Variants in VKORC1L1 observed in about 807,000 individuals in gnomAD.
The protein encoded by VKORC1L1 is vitamin K epoxide reductase complex subunit 1L1, also known as vitamin K epoxide reductase complex subunit 1-like protein 1.
A neutral mutation model predicts 18.9 loss-of-function variants in VKORC1L1; 2 were observed. That is an observed-to-expected ratio of 0.11 (90% CI 0.04 to 0.33). The LOEUF is 0.33. Among genes scored for constraint, VKORC1L1 ranks in the 10% least tolerant of loss-of-function variants. The pLI, the probability that VKORC1L1 is intolerant of heterozygous loss-of-function variation, is 1.00. For missense variants in VKORC1L1, 123 were observed against 224.1 expected (o/e 0.55, Z 2.88); for synonymous variants, 96 against 100.0 (o/e 0.96, Z 0.24).
At chr7:65,933,812 C>T (rs963665523) in intron 1 of VKORC1L1, among the ~76,000 whole-genome samples, 2 of 151,922 alleles carry the variant, frequency 1.3e-5, no homozygotes, top group African/African-American at 4.8e-5. Context: ...TTATTTTTAT[C>T]TCTGTGAATT....
intron 1 of VKORC1L1, among the ~76,000 whole-genome samples, chr7:65,930,079 A>G (rs1375842041): frequency 6.6e-6 from 1 of 152,178 alleles, no homozygotes; most frequent in Admixed American, 6.5e-5. Flanking sequence ...CTAATAGTTC[A>G]TTACTAGAAT....
intron 1 of VKORC1L1, among the ~76,000 whole-genome samples, chr7:65,905,342 G>T (rs1227848985): frequency 6.6e-6 from 1 of 151,472 alleles, no homozygotes; most frequent in Non-Finnish European, 1.5e-5. Context: ...ATGGAGTCTC[G>T]CTCTGTCATC....
chr7:65,868,162 AAGTC>A (rs1296566190), upstream of VKORC1L1, among the ~76,000 whole-genome samples: 12 of 152,162 alleles, frequency 7.9e-5, no homozygotes, highest in Non-Finnish European at 1.5e-5. Flanking sequence ...TATTAGTAAA[AAGTC>A]AGAAAACAGT....
At chr7:65,898,151 C>T (rs541127452) in intron 1 of VKORC1L1, among the ~76,000 whole-genome samples, 20 of 135,870 alleles carry the variant, frequency 1.5e-4, no homozygotes, top group African/African-American at 4.6e-4. Flanking sequence ...TATAGTGGCA[C>T]GATCTCGGCT....
intron 1 of VKORC1L1, among the ~76,000 whole-genome samples, chr7:65,926,339 A>G (rs569788663): frequency 1.3e-5 from 2 of 152,154 alleles, no homozygotes; most frequent in East Asian, 3.9e-4. Flanking sequence ...TAGTTTTAGT[A>G]GAGACGGGGT....
chr7:65,922,526 T>G (rs1342567299), intron 1 of VKORC1L1, among the ~76,000 whole-genome samples: 1 of 152,142 alleles, frequency 6.6e-6, no homozygotes, highest in Non-Finnish European at 1.5e-5. Flanking sequence ...TCAGGTGATC[T>G]GCCCGCCTCA....
intron 1 of VKORC1L1, among the ~76,000 whole-genome samples, chr7:65,934,609 A>G (rs941207468): frequency 6.6e-6 from 1 of 152,134 alleles, no homozygotes; most frequent in Non-Finnish European, 1.5e-5. Context: ...TAGTTTCCAC[A>G]TGTAAGTGAA....
At chr7:65,886,781 C>T (rs1789019051) in intron 1 of VKORC1L1, among the ~76,000 whole-genome samples, 1 of 150,820 alleles carries the variant, frequency 6.6e-6, no homozygotes, top group Admixed American at 6.6e-5. Context: ...TTGTGATCCA[C>T]CCACCTTGGC....
In VKORC1L1 at chr7:65,888,634, G is replaced by A. The variant is rs531425747; in HGVS notation, c.194+15069G>A. Reference sequence around the variant, plus strand: ...CCTGTCTCTCCCTTACTGCGGTGGTGAGGGGGGTGCAGGGGGGAGTTGACA... The same window carrying A: ...CCTGTCTCTCCCTTACTGCGGTGGTAAGGGGGGTGCAGGGGGGAGTTGACA... On this transcript the variant is annotated intron_variant, in intron 1 of 2. Coordinates refer to ENST00000360768, the MANE Select transcript of VKORC1L1 (RefSeq NM_173517.6). 2.0e-4 allele frequency among the ~76,000 whole-genome samples: 30 copies of A among 152,164 alleles called. No homozygotes were observed. The South Asian group carries it at 6.2e-3, about 32-fold the overall frequency.
chr7:65,866,044 G>A, the VKORC1L1 span, among the ~76,000 whole-genome samples: 1 of 152,294 alleles, frequency 6.6e-6, no homozygotes, highest in Middle Eastern at 3.4e-3. Context: ...GAACCTGGGA[G>A]GTAGAGGTTG....
At chr7:65,872,221 G>A (rs948435603), upstream of VKORC1L1, among the ~76,000 whole-genome samples, 11 of 151,686 alleles carry the variant, frequency 7.3e-5, no homozygotes, top group Admixed American at 3.3e-4. Context: ...CTTTTTCTTC[G>A]TCCTGATTGT....
chr7:65,902,951 C>T (rs1368080094), intron 1 of VKORC1L1, among the ~76,000 whole-genome samples: 1 of 152,118 alleles, frequency 6.6e-6, no homozygotes, highest in African/African-American at 2.4e-5. Flanking sequence ...ACCGTGACCT[C>T]CGCCTCCCGG....
chr7:65,905,561 G>A (rs565785874), intron 1 of VKORC1L1, among the ~76,000 whole-genome samples: 23 of 152,048 alleles, frequency 1.5e-4, no homozygotes, highest in South Asian at 6.2e-4. Context: ...CACCCTCCTC[G>A]GCCTCCCAAA....
chr7:65,876,203 A>G (rs1788824670), intron 1 of VKORC1L1, among the ~76,000 whole-genome samples: 1 of 152,214 alleles, frequency 6.6e-6, no homozygotes, highest in Non-Finnish European at 1.5e-5. Flanking sequence ...TTCATTTAAC[A>G]AAAGGATATT....
At chr7:65,948,622 A>G (rs1188011703) in intron 1 of VKORC1L1, 49 bp from the exon 2 acceptor site, 1 of 665,124 alleles carries the variant, frequency 1.5e-6, no homozygotes, top group Non-Finnish European at 2.4e-6. Flanking sequence ...TACATTTTTT[A>G]AAATAGGGAA....
At chr7:65,932,648 C>T (rs1386192515) in intron 1 of VKORC1L1, among the ~76,000 whole-genome samples, 1 of 152,088 alleles carries the variant, frequency 6.6e-6, no homozygotes, top group Non-Finnish European at 1.5e-5. Flanking sequence ...TGTATGAGTT[C>T]TAGTTTAATT....
At chr7:65,894,059 A>G (rs1455509255) in intron 1 of VKORC1L1, among the ~76,000 whole-genome samples, 2 of 151,976 alleles carry the variant, frequency 1.3e-5, no homozygotes, top group Admixed American at 6.6e-5. Flanking sequence ...GGTTCAAGCA[A>G]TTCTCCTGCC....
Position 65,894,652 on chromosome 7 carries a change from C to T in VKORC1L1, c.194+21087C>T, listed in dbSNP as rs193126815. ...CTGAGGCAGGAGAATGGTGTGAACC[C>T]GGGAGGTGGAGGTTGCAGTGAGCCG... On this transcript the variant is annotated intron_variant, in intron 1 of 2. Coordinates refer to ENST00000360768, the MANE Select transcript of VKORC1L1 (RefSeq NM_173517.6). Among the ~76,000 whole-genome samples, 25 of 152,240 alleles carry T rather than the reference C, an allele frequency of 1.6e-4. No homozygotes were observed. In the East Asian group the frequency reaches 2.5e-3, roughly 15 times the overall value.
intron 1 of VKORC1L1, among the ~76,000 whole-genome samples, chr7:65,905,230 C>G (rs978813766): frequency 3.3e-5 from 5 of 152,148 alleles, no homozygotes; most frequent in African/African-American, 9.7e-5. Context: ...TATAGTATTC[C>G]ACTGAGTGCC....
Sources: allele counts gnomAD v4.1 joint callset (sites outside exome capture counted in the v4.1 genomes callset), GRCh38; gene constraint gnomAD v4.1.1; transcripts MANE v1.5; gene names NCBI Gene and HGNC (gene_info 2026-07-23, HGNC 2026-07-21).